The following PANX1 variants were observed in gnomAD, a reference collection of about 807,000 sequenced individuals.
The protein encoded by PANX1 is pannexin 1, also known as pannexin-1.
A neutral mutation model predicts 38.7 loss-of-function variants in PANX1; 30 were observed. The ratio of observed to expected loss-of-function variants is 0.78; its 90% CI spans 0.58 to 1.05. The LOEUF is 1.05. Ranked by LOEUF, PANX1 falls within the 50% of genes least tolerant of loss-of-function variation. The probability of loss-of-function intolerance (pLI) is 0.00; values close to 1 mark genes in which losing one functional copy is unlikely to be tolerated. For missense variants in PANX1, 551 were observed against 517.2 expected, an observed-to-expected ratio of 1.07 and a Z score of -0.63; for synonymous variants, 230 against 212.2, an observed-to-expected ratio of 1.08 and a Z score of -0.73.
chr11:94,151,713 T>G (rs1409411644), intron 1 of PANX1, among the ~76,000 whole-genome samples: 2 of 152,160 alleles, frequency 1.3e-5, no homozygotes, highest in Non-Finnish European at 2.9e-5. Context: ...TCTAAGAACT[T>G]AAGTTTAATG....
chr11:94,165,951 G>A (rs1000289672), intron 2 of PANX1, among the ~76,000 whole-genome samples: 1 of 151,608 alleles, frequency 6.6e-6, no homozygotes, highest in Non-Finnish European at 1.5e-5. Context: ...TATTATTATT[G>A]GTTATGTTAT....
intron 2 of PANX1, among the ~76,000 whole-genome samples, chr11:94,171,607 T>A (rs1363631904): frequency 6.6e-6 from 1 of 151,622 alleles, no homozygotes; most frequent in Admixed American, 6.5e-5. Context: ...GCACAGGGTT[T>A]ATTCAGCACT....
chr11:94,130,985 C>CT lies in PANX1; in HGVS notation c.181+1495dup, dbSNP rs562372148. On this transcript the variant is annotated intron_variant, in intron 1 of 4. Transcript: ENST00000227638. The stretch of plus-strand genomic sequence containing the variant: ...GCGCAGGCATAGTCATCGGGATGTT[C>CT]TTTAAGTTTCCATTTGACAGTGGAT... 4.8e-3 allele frequency among the ~76,000 whole-genome samples: 738 copies of CT among 152,312 alleles called. 3 individuals are homozygous for CT. Among genetic ancestry groups the CT allele is most frequent in the Non-Finnish European group, 7.7e-3 (527 of 68,026 alleles).
chr11:94,171,397 C>G (rs1289439194), intron 2 of PANX1, among the ~76,000 whole-genome samples: 1 of 151,722 alleles, frequency 6.6e-6, no homozygotes, highest in East Asian at 1.9e-4. Context: ...TTCTTTATCT[C>G]TTAAGACTGT....
chr11:94,150,540 G>GC (rs1421915415), intron 1 of PANX1, among the ~76,000 whole-genome samples: 1 of 152,056 alleles, frequency 6.6e-6, no homozygotes, highest in Non-Finnish European at 1.5e-5. Flanking sequence ...AAGCTTCCTG[G>GC]CCCCCGGCCC....
intron 1 of PANX1, among the ~76,000 whole-genome samples, chr11:94,142,121 T>C (rs1490608555): frequency 1.3e-5 from 2 of 152,168 alleles, no homozygotes; most frequent in African/African-American, 2.4e-5. Context: ...GACACAGGAC[T>C]GCGTGGGGCA....
At chr11:94,132,845 G>T (rs1314912412) in intron 1 of PANX1, among the ~76,000 whole-genome samples, 8 of 152,092 alleles carry the variant, frequency 5.3e-5, no homozygotes, top group Non-Finnish European at 8.8e-5. Flanking sequence ...TTAAATAAAT[G>T]ATTTTTTACT....
intron 2 of PANX1, among the ~76,000 whole-genome samples, chr11:94,173,670 C>T (rs1310842464): frequency 6.6e-6 from 1 of 151,648 alleles, no homozygotes; most frequent in African/African-American, 2.4e-5. Context: ...GTCTTCTCTT[C>T]CTGCCTCTCT....
At chr11:94,131,375 C>T (rs1006429394) in intron 1 of PANX1, among the ~76,000 whole-genome samples, 7 of 152,214 alleles carry the variant, frequency 4.6e-5, no homozygotes, top group African/African-American at 1.4e-4. Context: ...AGAGTTTGAG[C>T]TCATGCTGTG....
chr11:94,157,997 G>A (rs1946975542), intron 2 of PANX1, among the ~76,000 whole-genome samples: 1 of 152,188 alleles, frequency 6.6e-6, no homozygotes, highest in South Asian at 2.1e-4. Context: ...TTATTAAATA[G>A]GGAATCCTTT....
At chr11:94,137,227 G>A (rs890173773) in intron 1 of PANX1, among the ~76,000 whole-genome samples, 1 of 151,880 alleles carries the variant, frequency 6.6e-6, no homozygotes, top group Non-Finnish European at 1.5e-5. Context: ...TCGCTTGAAC[G>A]CGGGAGGCAG....
intron 1 of PANX1, among the ~76,000 whole-genome samples, chr11:94,134,065 A>G (rs1247059110): frequency 1.3e-5 from 2 of 152,244 alleles, no homozygotes; most frequent in Admixed American, 6.5e-5. Context: ...CATGATAGGT[A>G]AGTTGTCCCA....
chr11:94,157,316 A>G (rs1419548850), intron 2 of PANX1, among the ~76,000 whole-genome samples: 4 of 152,160 alleles, frequency 2.6e-5, no homozygotes, highest in Non-Finnish European at 5.9e-5. Flanking sequence ...CGCCACACTG[A>G]CTTCCACAAT....
At chr11:94,132,605 T>C (rs1946642733) in intron 1 of PANX1, among the ~76,000 whole-genome samples, 1 of 151,766 alleles carries the variant, frequency 6.6e-6, no homozygotes, top group East Asian at 1.9e-4. Context: ...GGGGGGGTGG[T>C]GTGTGTGTGT....
At position 94,169,472 on chromosome 11, in the gene PANX1, G is replaced by A. The variant is rs1490480799; in HGVS notation, c.322-8897G>A. ...AATTGTGTCCCCCAAAAGATATGTC[G>A]AAGTTTTAACCCAGTGTGCCCTAAA... On this transcript the variant is annotated intron_variant, in intron 2 of 4. Coordinates refer to ENST00000227638, the MANE Select transcript of PANX1 (RefSeq NM_015368.4). Among the ~76,000 whole-genome samples the A allele has an allele frequency of 3.3e-5, 5 of 151,554 alleles. No homozygotes were observed. In the South Asian group the frequency reaches 1.0e-3, roughly 31 times the overall value.
At chr11:94,168,702 T>C (rs1947130380) in intron 2 of PANX1, among the ~76,000 whole-genome samples, 1 of 151,596 alleles carries the variant, frequency 6.6e-6, no homozygotes. Flanking sequence ...CGCAGCTACT[T>C]AGTTCTGCAG....
chr11:94,138,155 C>T (rs538999412), intron 1 of PANX1, among the ~76,000 whole-genome samples: 1 of 151,874 alleles, frequency 6.6e-6, no homozygotes, highest in Admixed American at 6.6e-5. Context: ...CTGGATAGAC[C>T]CCCAATGGAT....
At chr11:94,151,471 A>G (rs537544048) in intron 1 of PANX1, among the ~76,000 whole-genome samples, 8 of 152,304 alleles carry the variant, frequency 5.3e-5, no homozygotes, top group Non-Finnish European at 1.0e-4. Context: ...AGCATTATTC[A>G]TTTTCATGAG....
Position 94,179,669 on chromosome 11 carries a change from A to G in PANX1, c.613A>G (p.Asn205Asp). Residue 205 changes from asparagine to aspartate, a missense_variant, in exon 4 of 5, where the codon AAT (asparagine) becomes GAT (aspartate). Asn to Asp is a conservative substitution (Grantham distance 23, BLOSUM62 1). Transcript: ENST00000227638. ...IVEQYLKTKKNSNNLIIKYIS... is the reference protein window; with the variant it reads ...IVEQYLKTKKDSNNLIIKYIS... ...GGAGCAGTACTTGAAGACAAAGAAA[A>G]ATTCTAATAATTTAATCATCAAGTA... 2 of 1,613,506 alleles carry G rather than the reference A, an allele frequency of 1.2e-6. No homozygotes were observed. Among genetic ancestry groups the G allele is most frequent in the Non-Finnish European group, 1.7e-6 (2 of 1,179,670 alleles).
Sources: gnomAD v4.1 joint callset for allele counts (sites outside exome capture counted in the v4.1 genomes callset) on GRCh38, gnomAD v4.1.1 for gene constraint, MANE v1.5 for transcripts, NCBI Gene and HGNC (gene_info 2026-07-23, HGNC 2026-07-21) for gene names.